Variants in MYRFL observed in about 807,000 individuals in gnomAD.
The protein encoded by MYRFL is myelin regulatory factor like, also known as myelin regulatory factor-like protein.
In MYRFL, 88 loss-of-function variants were observed where a neutral mutation model predicts 109.4. The ratio of observed to expected loss-of-function variants is 0.80; its 90% confidence interval spans 0.68 to 0.96. The LOEUF is 0.96. MYRFL is among the 40% of genes least tolerant of loss of function. The probability of loss-of-function intolerance (pLI) is 0.00; values close to 1 mark genes in which losing one functional copy is unlikely to be tolerated. For missense variants in MYRFL, 957 were observed against 954.9 expected (o/e 1.00, Z -0.03); for synonymous variants, 324 against 320.9 (o/e 1.01, Z -0.10).
chr12:69,897,385 C>A, intron 10 of MYRFL, 139 bp downstream of exon 10: 1 of 729,992 alleles, frequency 1.4e-6, no homozygotes, highest in Non-Finnish European at 2.3e-6. Flanking sequence ...TTTTAGTTTT[C>A]ACACAGTGGT....
intron 19 of MYRFL, chr12:69,946,975 C>G (rs1170492343): frequency 6.6e-6 from 1 of 152,302 alleles, no homozygotes; most frequent in African/African-American, 2.4e-5. Context: ...AAGTTTGCCT[C>G]TGTCCATTGC....
At chr12:69,858,941 T>G (rs1050169404) in intron 2 of MYRFL, among the ~76,000 whole-genome samples, 1 of 152,024 alleles carries the variant, frequency 6.6e-6, no homozygotes, top group East Asian at 1.9e-4. Flanking sequence ...GTTTGTGATT[T>G]GAGGTTAAAC....
chr12:69,855,508 T>C (rs1884222751), intron 2 of MYRFL, 138 bp downstream of exon 2: 1 of 551,968 alleles, frequency 1.8e-6, no homozygotes, highest in East Asian at 2.8e-5. Context: ...TATGGATCTT[T>C]GACAAATATC....
At chr12:69,911,165 A>G (rs1181453337) in intron 13 of MYRFL, among the ~76,000 whole-genome samples, 1 of 152,226 alleles carries the variant, frequency 6.6e-6, no homozygotes, top group Non-Finnish European at 1.5e-5. Flanking sequence ...CAATAGTAAG[A>G]ATTCGAGTTC....
rs189526376 is a variant in MYRFL, at chr12:69,927,233, C to T, written c.1767-452C>T. Among the ~76,000 whole-genome samples the T allele has an allele frequency of 1.2e-3, 189 of 152,134 alleles. 1 individual carries two copies. Among genetic ancestry groups the T allele is most frequent in the Admixed American group, 4.9e-3 (75 of 15,286 alleles). On this transcript the variant is annotated intron_variant, in intron 14 of 24. Coordinates refer to ENST00000552032, the MANE Select transcript of MYRFL (RefSeq NM_182530.3). ...GTGCTGGGATTATAGGCGTGAGCCA[C>T]CACGCCCGGCCCTGTTGCTGTTTTA...
intron 7 of MYRFL, among the ~76,000 whole-genome samples, chr12:69,891,561 ATTTCTTTCTTTCTTTC>A (rs60757761): frequency 1.8e-4 from 21 of 114,090 alleles, no homozygotes; most frequent in Non-Finnish European, 2.7e-4. Context: ...AAAGGTGTCA[ATTTCTTTCTTTCTTTC>A]TTTCTTTCTT....
intron 1 of MYRFL, among the ~76,000 whole-genome samples, chr12:69,840,814 TC>T (rs1883203409): frequency 1.3e-5 from 2 of 152,226 alleles, no homozygotes; most frequent in Admixed American, 1.3e-4. Context: ...TTTTTAATAA[TC>T]CTTGCCAAAT....
At chr12:69,900,189 T>C (rs1954134749) in intron 10 of MYRFL, among the ~76,000 whole-genome samples, 2 of 152,152 alleles carry the variant, frequency 1.3e-5, no homozygotes, top group Non-Finnish European at 2.9e-5. Flanking sequence ...TCACAGTGCG[T>C]GACATGGGAA....
rs544926408 is a variant in MYRFL, at chr12:69,958,288, T to C, written c.2611T>C (p.Ser871Pro). The C allele has an allele frequency of 1.3e-6, 2 of 1,536,644 alleles. No individual in the cohort carries two copies. Among genetic ancestry groups the C allele is most frequent in the Non-Finnish European group, 1.7e-6 (2 of 1,147,024 alleles). Residue 871 changes from serine (S) to proline (P), a missense_variant, in exon 24 of 25, where the codon TCT becomes CCT. Physicochemically the swap from Ser to Pro is moderately conservative, Grantham distance 74. Coordinates refer to ENST00000552032, the MANE Select transcript of MYRFL (RefSeq NM_182530.3). ...HIWSLPVAPF[S>P]DSMFHFRVAA... Reference sequence around the variant, plus strand: ...TTGGAGCCTCCCTGTAGCCCCATTTTCTGACAGCATGTTCCATTTCCGTGT... The same window carrying C: ...TTGGAGCCTCCCTGTAGCCCCATTTCCTGACAGCATGTTCCATTTCCGTGT...
intron 19 of MYRFL, among the ~76,000 whole-genome samples, chr12:69,950,878 C>T (rs1202286117): frequency 6.6e-6 from 1 of 152,112 alleles, no homozygotes; most frequent in East Asian, 1.9e-4. Flanking sequence ...TGTTCATTCA[C>T]AAACTAGATA....
intron 13 of MYRFL, among the ~76,000 whole-genome samples, chr12:69,918,034 G>T (rs192392376): frequency 4.9e-4 from 74 of 152,260 alleles, no homozygotes; most frequent in Non-Finnish European, 8.8e-4. Context: ...TAGGTCACAG[G>T]TTGCAAGCCT....
At chr12:69,920,853 A>G (rs1464562979) in intron 13 of MYRFL, among the ~76,000 whole-genome samples, 1 of 152,220 alleles carries the variant, frequency 6.6e-6, no homozygotes, top group Non-Finnish European at 1.5e-5. Flanking sequence ...CACTTGCCGG[A>G]CTGCCTCTAG....
At chr12:69,838,276 G>A (rs372454634) in intron 1 of MYRFL, among the ~76,000 whole-genome samples, 125 of 152,224 alleles carry the variant, frequency 8.2e-4, no homozygotes, top group Admixed American at 4.0e-3. Context: ...CACCTGCAGC[G>A]CCTGTGGGTG....
chr12:69,890,232 G>C (rs372153176), intron 6 of MYRFL, among the ~76,000 whole-genome samples: 2 of 152,188 alleles, frequency 1.3e-5, no homozygotes, highest in South Asian at 2.1e-4. Context: ...TTTAAATATG[G>C]TGTTGCTGGT....
At chr12:69,907,712 T>A (rs1474960546) in intron 11 of MYRFL, among the ~76,000 whole-genome samples, 2 of 152,232 alleles carry the variant, frequency 1.3e-5, no homozygotes, top group Non-Finnish European at 2.9e-5. Context: ...GCCTATTACA[T>A]GTCAGACACT....
At chr12:69,881,978 A>G (rs1396210419) in intron 5 of MYRFL, among the ~76,000 whole-genome samples, 1 of 152,134 alleles carries the variant, frequency 6.6e-6, no homozygotes, top group Non-Finnish European at 1.5e-5. Context: ...CTAGCTCACT[A>G]AGGGATACAG....
At chr12:69,924,270 G>C (rs959510375) in intron 13 of MYRFL, among the ~76,000 whole-genome samples, 5 of 150,760 alleles carry the variant, frequency 3.3e-5, no homozygotes, top group African/African-American at 1.2e-4. Flanking sequence ...TACATTCAGA[G>C]AATCTGGGTT....
rs1955461821 is a variant in MYRFL, at chr12:69,936,263, AT to A, written c.1992-17del. 1 of 1,535,416 alleles carries A rather than the reference AT, an allele frequency of 6.5e-7. No individual in the cohort carries two copies. The highest frequency in any genetic ancestry group is 8.7e-7 in the Non-Finnish European group (1 of 1,146,742). ...TTTTTGCAGCCCTCTTTCATTAATC[AT>A]TTCATTCTTTTTCTCCAGCAATATC... On this transcript the variant is annotated intron_variant, in intron 17 of 24. Coordinates refer to ENST00000552032, the MANE Select transcript of MYRFL (RefSeq NM_182530.3).
chr12:69,855,947 T>C (rs540634300), intron 2 of MYRFL, among the ~76,000 whole-genome samples: 2 of 152,330 alleles, frequency 1.3e-5, no homozygotes, highest in East Asian at 3.9e-4. Context: ...CCTTTTTTAT[T>C]TTTAATTTAC....
Sources: gnomAD v4.1 joint callset for allele counts (sites outside exome capture counted in the v4.1 genomes callset) on GRCh38, gnomAD v4.1.1 for gene constraint, MANE v1.5 for transcripts, NCBI Gene and HGNC (gene_info 2026-07-23, HGNC 2026-07-21) for gene names.